The following NAALADL2 variants were observed in gnomAD, a reference collection of about 807,000 sequenced individuals.
NAALADL2 encodes the protein N-acetylated alpha-linked acidic dipeptidase like 2, also known as inactive N-acetylated-alpha-linked acidic dipeptidase-like protein 2.
In NAALADL2, 76 loss-of-function variants were observed where a neutral mutation model predicts 87.2. The ratio of observed to expected loss-of-function variants is 0.87; its 90% CI spans 0.72 to 1.05. The LOEUF (loss-of-function observed/expected upper bound fraction) is 1.05, where lower values mean the gene tolerates loss of function less well. Ranked by LOEUF, NAALADL2 falls within the 50% of genes least tolerant of loss-of-function variation. NAALADL2 has a pLI of 0.00. For synonymous variants in NAALADL2, 354 were observed against 331.0 expected, an observed-to-expected ratio of 1.07 and a Z score of -0.75; for missense variants, 1,089 against 945.8, an observed-to-expected ratio of 1.15 and a Z score of -1.99.
chr3:174,598,129 T>C (rs1718095468), intron 2 of NAALADL2, among the ~76,000 whole-genome samples: 1 of 152,206 alleles, frequency 6.6e-6, no homozygotes. Flanking sequence ...AATAATGATC[T>C]GTATTTCATT....
intron 13 of NAALADL2, among the ~76,000 whole-genome samples, chr3:175,802,054 G>C (rs922070384): frequency 2.0e-5 from 3 of 152,032 alleles, no homozygotes; most frequent in Non-Finnish European, 4.4e-5. Context: ...CCTCTATACT[G>C]TCTGTAGCTC....
intron 11 of NAALADL2, among the ~76,000 whole-genome samples, chr3:175,674,204 AT>A (rs999761389): frequency 2.7e-5 from 4 of 150,312 alleles, no homozygotes; most frequent in Non-Finnish European, 5.9e-5. Context: ...AAAGATTAAA[AT>A]TCTTGCATTT....
intron 4 of NAALADL2, among the ~76,000 whole-genome samples, chr3:175,301,977 A>G (rs1757136667): frequency 6.6e-6 from 1 of 152,200 alleles, no homozygotes; most frequent in South Asian, 2.1e-4. Context: ...AGCCAGAGGC[A>G]TGAGGGATGG....
intron 10 of NAALADL2, among the ~76,000 whole-genome samples, chr3:175,595,389 G>A (rs1722114012): frequency 6.6e-6 from 1 of 151,792 alleles, no homozygotes; most frequent in Admixed American, 6.6e-5. Flanking sequence ...TTGCTTTTTT[G>A]ATTAGTGTAG....
chr3:175,436,887 G>T (rs1718765261), intron 5 of NAALADL2, among the ~76,000 whole-genome samples: 1 of 88,360 alleles, frequency 1.1e-5, no homozygotes, highest in African/African-American at 4.3e-5. Flanking sequence ...GGCTTTTGTT[G>T]CCATTGCTTT....
chr3:174,810,787 C>G (rs1265199093), intron 3 of NAALADL2, among the ~76,000 whole-genome samples: 1 of 152,116 alleles, frequency 6.6e-6, no homozygotes, highest in African/African-American at 2.4e-5. Flanking sequence ...TGCTGATACT[C>G]AAGAAAATGG....
chr3:175,799,522 C>A (rs998209278), intron 13 of NAALADL2, among the ~76,000 whole-genome samples: 1 of 151,900 alleles, frequency 6.6e-6, no homozygotes, highest in African/African-American at 2.4e-5. Context: ...AGTCTTTTTC[C>A]TAAATGACAA....
chr3:174,640,991 C>A (rs978312958), intron 2 of NAALADL2, among the ~76,000 whole-genome samples: 5 of 152,328 alleles, frequency 3.3e-5, no homozygotes, highest in African/African-American at 1.2e-4. Flanking sequence ...CCCCGGGCTG[C>A]ACCCTCCCCT....
At chr3:174,574,785 T>C (rs1313836001) in intron 2 of NAALADL2, among the ~76,000 whole-genome samples, 1 of 152,166 alleles carries the variant, frequency 6.6e-6, no homozygotes, top group Non-Finnish European at 1.5e-5. Context: ...AGACATTATG[T>C]ACTGATTGGC....
chr3:174,973,028 A>G (rs1743906327), intron 1 of NAALADL2, among the ~76,000 whole-genome samples: 1 of 151,036 alleles, frequency 6.6e-6, no homozygotes, highest in African/African-American at 2.4e-5. Flanking sequence ...CACTTAATTT[A>G]AACTGGTTGT....
At chr3:175,364,267 T>C (rs1031391195) in intron 5 of NAALADL2, among the ~76,000 whole-genome samples, 1 of 148,088 alleles carries the variant, frequency 6.8e-6, no homozygotes, top group African/African-American at 2.5e-5. Context: ...TCAGAAAATA[T>C]GTCTTTTTCC....
intron 3 of NAALADL2, among the ~76,000 whole-genome samples, chr3:174,822,852 C>T (rs1243826615): frequency 6.6e-6 from 1 of 152,068 alleles, no homozygotes; most frequent in Non-Finnish European, 1.5e-5. Context: ...CTTTGTTTAG[C>T]CTTTTGCTTG....
At chr3:174,937,913 A>G (rs1332369653) in intron 1 of NAALADL2, among the ~76,000 whole-genome samples, 6 of 152,114 alleles carry the variant, frequency 3.9e-5, no homozygotes, top group African/African-American at 1.4e-4. Context: ...AAATATTTCT[A>G]GAAAGTATAT....
At position 174,638,054 on chromosome 3, in the gene NAALADL2, G is replaced by A. The variant is rs1335758472; in HGVS notation, c.-115+87417G>A. On this transcript the variant is annotated intron_variant, in intron 2 of 3. Transcript: ENST00000434257. ...AGTAGCATTTTCAAATAATATCATAGTAATAGGCTGATGATTGAATTTCAC... is the reference window on the plus strand; with the variant it reads ...AGTAGCATTTTCAAATAATATCATAATAATAGGCTGATGATTGAATTTCAC... Among the ~76,000 whole-genome samples, 3 of 152,100 alleles carry A rather than the reference G, an allele frequency of 2.0e-5. No individual in the cohort carries two copies. The East Asian group carries it at 5.8e-4, about 29-fold the overall frequency.
At chr3:175,161,249 C>G (rs1486881749) in intron 2 of NAALADL2, among the ~76,000 whole-genome samples, 2 of 151,096 alleles carry the variant, frequency 1.3e-5, no homozygotes, top group East Asian at 3.9e-4. Flanking sequence ...CTAACTTAAG[C>G]AAAACAGCAA....
chr3:175,321,348 G>C (rs1307780606), intron 4 of NAALADL2, among the ~76,000 whole-genome samples: 1 of 106,252 alleles, frequency 9.4e-6, no homozygotes, highest in Non-Finnish European at 1.8e-5. Context: ...AAAATAATAA[G>C]AGCTATCTAT....
chr3:175,265,773 G>C (rs1751825292), intron 4 of NAALADL2, among the ~76,000 whole-genome samples: 2 of 151,308 alleles, frequency 1.3e-5, no homozygotes, highest in Admixed American at 1.3e-4. Flanking sequence ...TAACAAATTA[G>C]CCTGTAATAA....
At chr3:175,143,467 G>T (rs1730304462) in intron 2 of NAALADL2, among the ~76,000 whole-genome samples, 1 of 146,686 alleles carries the variant, frequency 6.8e-6, no homozygotes, top group South Asian at 2.2e-4. Context: ...ACTATCAGCA[G>T]TTGACAAAAA....
At chr3:174,653,136 G>C (rs369597905) in intron 2 of NAALADL2, among the ~76,000 whole-genome samples, 1 of 152,096 alleles carries the variant, frequency 6.6e-6, no homozygotes, top group East Asian at 1.9e-4. Context: ...TGAAAGACTG[G>C]CAGTATCTGT....
Sources: gnomAD v4.1 joint callset for allele counts (sites outside exome capture counted in the v4.1 genomes callset) on GRCh38, gnomAD v4.1.1 for gene constraint, MANE v1.5 for transcripts, NCBI Gene and HGNC (gene_info 2026-07-23, HGNC 2026-07-21) for gene names.